The following ASTN2 variants were observed in gnomAD, a reference collection of about 807,000 sequenced individuals.
ASTN2 encodes astrotactin-2.
A neutral mutation model predicts 139.8 loss-of-function variants in ASTN2; 54 were observed. The observed-to-expected ratio is 0.39, with a 90% confidence interval of 0.31 to 0.48. The LOEUF (loss-of-function observed/expected upper bound fraction) is 0.48, where lower values mean the gene tolerates loss of function less well. ASTN2 is among the 20% of genes least tolerant of loss of function. The pLI, the probability that ASTN2 is intolerant of heterozygous loss-of-function variation, is 0.95. For synonymous variants in ASTN2, 756 were observed against 719.5 expected (o/e 1.05, Z -0.81); for missense variants, 1,565 against 1,725.1 (o/e 0.91, Z 1.64).
intron 1 of ASTN2, among the ~76,000 whole-genome samples, chr9:117,316,855 G>T (rs548935723): frequency 6.6e-6 from 1 of 152,128 alleles, no homozygotes; most frequent in African/African-American, 2.4e-5. Context: ...GGATCCTTTG[G>T]TCTGGGCCCA....
At chr9:116,786,367 G>A (rs901242077) in intron 13 of ASTN2, among the ~76,000 whole-genome samples, 4 of 152,166 alleles carry the variant, frequency 2.6e-5, no homozygotes, top group East Asian at 1.9e-4. Context: ...AACCTTCAGA[G>A]CAGGGGTTTT....
intron 3 of ASTN2, among the ~76,000 whole-genome samples, chr9:117,173,632 T>G (rs1166982936): frequency 6.6e-6 from 1 of 151,860 alleles, no homozygotes; most frequent in African/African-American, 2.4e-5. Context: ...AATGTCCAAA[T>G]AATAAACAAA....
chr9:116,762,833 T>C (rs1012356364), intron 13 of ASTN2, among the ~76,000 whole-genome samples: 3 of 152,170 alleles, frequency 2.0e-5, no homozygotes, highest in African/African-American at 7.2e-5. Context: ...GCTCAAAATA[T>C]TTACTATTGA....
At chr9:117,211,568 C>A (rs1246974371) in intron 3 of ASTN2, among the ~76,000 whole-genome samples, 3 of 152,138 alleles carry the variant, frequency 2.0e-5, no homozygotes, top group Non-Finnish European at 4.4e-5. Flanking sequence ...CTGAGGCCTC[C>A]CCAACCGTGC....
At chr9:117,374,994 C>T (rs1043127399) in intron 1 of ASTN2, among the ~76,000 whole-genome samples, 2 of 152,190 alleles carry the variant, frequency 1.3e-5, no homozygotes, top group African/African-American at 4.8e-5. Context: ...TCTTTAGAAC[C>T]AATCCTTCTT....
At chr9:116,474,332 T>A (rs2119024735) in intron 20 of ASTN2, among the ~76,000 whole-genome samples, 1 of 152,222 alleles carries the variant, frequency 6.6e-6, no homozygotes, top group South Asian at 2.1e-4. Flanking sequence ...GTTTTTCCCA[T>A]AAAGAGAGAG....
At chr9:116,823,171 T>G (rs760569050) in intron 11 of ASTN2, among the ~76,000 whole-genome samples, 3 of 152,316 alleles carry the variant, frequency 2.0e-5, no homozygotes, top group South Asian at 2.1e-4. Flanking sequence ...ATAATTATCT[T>G]AAGCCACTGA....
chr9:116,658,776 A>C (rs1307043314), intron 16 of ASTN2, among the ~76,000 whole-genome samples: 1 of 143,138 alleles, frequency 7.0e-6, no homozygotes, highest in Non-Finnish European at 1.5e-5. Context: ...CTGTGAAAGA[A>C]GGGGAAGAAG....
chr9:117,322,337 G>T (rs1299992627), intron 1 of ASTN2, among the ~76,000 whole-genome samples: 1 of 152,144 alleles, frequency 6.6e-6, no homozygotes, highest in Non-Finnish European at 1.5e-5. Flanking sequence ...GAATAAATAC[G>T]TGTATGAACA....
intron 11 of ASTN2, among the ~76,000 whole-genome samples, chr9:116,846,889 C>T (rs1832445914): frequency 6.6e-6 from 1 of 151,542 alleles, no homozygotes; most frequent in South Asian, 2.1e-4. Context: ...CTTAAAATGG[C>T]TGGTCAACCT....
intron 11 of ASTN2, among the ~76,000 whole-genome samples, chr9:116,831,814 G>C (rs895964578): frequency 3.3e-5 from 5 of 152,052 alleles, no homozygotes; most frequent in Admixed American, 3.3e-4. Flanking sequence ...TCATGCCGAG[G>C]TTTTGATAGG....
At chr9:116,683,685 T>A (rs1018422783) in intron 16 of ASTN2, among the ~76,000 whole-genome samples, 2 of 152,236 alleles carry the variant, frequency 1.3e-5, no homozygotes, top group Non-Finnish European at 2.9e-5. Flanking sequence ...ATTTGCAACT[T>A]TTAACAAATG....
intron 16 of ASTN2, among the ~76,000 whole-genome samples, chr9:116,702,106 C>T (rs1291986830): frequency 6.6e-6 from 1 of 152,168 alleles, no homozygotes; most frequent in Non-Finnish European, 1.5e-5. Context: ...CACTGAACTA[C>T]AGCATTGCTT....
At chr9:116,539,444 A>G (rs1587965586) in intron 19 of ASTN2, among the ~76,000 whole-genome samples, 1 of 152,198 alleles carries the variant, frequency 6.6e-6, no homozygotes, top group Non-Finnish European at 1.5e-5. Context: ...ACAATAGTAT[A>G]TGGAAAAAAA....
At chr9:117,058,650 T>C (rs570763149) in intron 5 of ASTN2, among the ~76,000 whole-genome samples, 65 of 152,344 alleles carry the variant, frequency 4.3e-4, no homozygotes, top group African/African-American at 1.5e-3. Flanking sequence ...TTTCTGAGCA[T>C]TGGAGACTTC....
intron 16 of ASTN2, among the ~76,000 whole-genome samples, chr9:116,685,392 G>A (rs538761159): frequency 1.3e-3 from 196 of 152,082 alleles, no homozygotes; most frequent in Non-Finnish European, 2.2e-3. Flanking sequence ...CCAGTCTCCC[G>A]CACAGCTGAC....
rs1368659841 is a variant in ASTN2, at chr9:116,964,242, TGTGTGTGTGTGTGTGC to T, written c.1889+10950_1889+10965del. 6.6e-5 allele frequency among the ~76,000 whole-genome samples: 9 copies of T among 136,536 alleles called. No homozygotes were observed. The South Asian group carries it at 6.7e-4, about 10-fold the overall frequency. 89.6% of individuals were successfully genotyped at this position (136,536 alleles called of 152,430 possible). A position where few individuals can be genotyped will look rare whatever the true frequency, so the allele number is the denominator to read the frequency against. ...GTGTGTGTGTGTGTGTGTGTGTGTG[TGTGTGTGTGTGTGTGC>T]GCGCGCGCGCGTGTGTGTTGACTAC... is the stretch of plus-strand genomic sequence containing the variant. On this transcript the variant is annotated intron_variant, in intron 10 of 22. Transcript: ENST00000313400.
At chr9:116,969,765 T>C (rs1230208360) in intron 10 of ASTN2, among the ~76,000 whole-genome samples, 1 of 152,206 alleles carries the variant, frequency 6.6e-6, no homozygotes, top group African/African-American at 2.4e-5. Flanking sequence ...ACTCAAACTT[T>C]AGTGAGCATT....
At chr9:117,091,803 T>C (rs1311822489) in intron 5 of ASTN2, among the ~76,000 whole-genome samples, 4 of 152,002 alleles carry the variant, frequency 2.6e-5, no homozygotes, top group South Asian at 2.1e-4. Context: ...AAGGAAAGCA[T>C]TGAAAGCTTC....
Sources: allele counts gnomAD v4.1 joint callset (sites outside exome capture counted in the v4.1 genomes callset), GRCh38; gene constraint gnomAD v4.1.1; transcripts MANE v1.5; gene names NCBI Gene and HGNC (gene_info 2026-07-23, HGNC 2026-07-21).